Variants in MOB3B observed in about 807,000 individuals in gnomAD.
The protein encoded by MOB3B is MOB kinase activator-like 2B.
MOB3B carries 7 observed loss-of-function variants against 18.7 expected under a neutral mutation model. That is an observed-to-expected ratio of 0.37 (90% CI 0.21 to 0.70). The LOEUF (loss-of-function observed/expected upper bound fraction) is 0.70. Ranked by LOEUF, MOB3B falls within the 30% of genes least tolerant of loss-of-function variation. The pLI, the probability that MOB3B is intolerant of heterozygous loss-of-function variation, is 0.52. For missense variants in MOB3B, 253 were observed against 281.3 expected (o/e 0.90, Z 0.72); for synonymous variants, 111 against 99.9 (o/e 1.11, Z -0.66).
chr9:27,526,782 A>G (rs1001666969), intron 1 of MOB3B, among the ~76,000 whole-genome samples: 1 of 152,236 alleles, frequency 6.6e-6, no homozygotes, highest in Non-Finnish European at 1.5e-5. Context: ...AAAAATGTTT[A>G]ATCTAACTTG....
At chr9:27,472,501 T>C (rs1819487917) in intron 1 of MOB3B, among the ~76,000 whole-genome samples, 1 of 152,054 alleles carries the variant, frequency 6.6e-6, no homozygotes, top group Non-Finnish European at 1.5e-5. Flanking sequence ...CATTCATCAA[T>C]ACGTCTTGTT....
intron 1 of MOB3B, among the ~76,000 whole-genome samples, chr9:27,513,582 T>A (rs1383267699): frequency 1.3e-5 from 2 of 152,132 alleles, no homozygotes; most frequent in Non-Finnish European, 2.9e-5. Context: ...CTCCTTTGTA[T>A]CCCTTAAATA....
At chr9:27,357,097 G>C (rs1196896759) in intron 3 of MOB3B, among the ~76,000 whole-genome samples, 2 of 96,062 alleles carry the variant, frequency 2.1e-5, no homozygotes, top group Non-Finnish European at 4.6e-5. Context: ...GTCTTGCTTT[G>C]TTCCAGGACT....
chr9:27,427,894 A>T (rs1336563102), intron 2 of MOB3B, among the ~76,000 whole-genome samples: 2 of 152,046 alleles, frequency 1.3e-5, no homozygotes, highest in Non-Finnish European at 2.9e-5. Flanking sequence ...CCTCCAACCA[A>T]GCCCACCTGG....
intron 2 of MOB3B, among the ~76,000 whole-genome samples, chr9:27,386,324 A>G (rs1481931507): frequency 6.6e-6 from 1 of 152,218 alleles, no homozygotes; most frequent in Non-Finnish European, 1.5e-5. Flanking sequence ...TTTCAGTATT[A>G]TCATTATTAT....
chr9:27,368,353 T>TACACAC (rs138287792), intron 2 of MOB3B, among the ~76,000 whole-genome samples: 6,232 of 145,918 alleles, frequency 0.043, 203 homozygotes, highest in African/African-American at 0.089. Context: ...CACACATACA[T>TACACAC]ACACACACAC....
chr9:27,505,519 C>A (rs1346159362), intron 1 of MOB3B, among the ~76,000 whole-genome samples: 4 of 152,228 alleles, frequency 2.6e-5, no homozygotes, highest in African/African-American at 9.6e-5. Context: ...ATCTCTTTGA[C>A]TTGCTTAACT....
chr9:27,419,652 A>C (rs770404350), intron 2 of MOB3B, among the ~76,000 whole-genome samples: 40 of 152,220 alleles, frequency 2.6e-4, no homozygotes, highest in Non-Finnish European at 4.8e-4. Flanking sequence ...ACAAAAATCA[A>C]CTTAAGACGG....
intron 2 of MOB3B, among the ~76,000 whole-genome samples, chr9:27,451,815 C>G (rs1822789369): frequency 6.6e-6 from 1 of 151,984 alleles, no homozygotes; most frequent in African/African-American, 2.4e-5. Context: ...CATGATAGCA[C>G]AAAGATCAAA....
chr9:27,396,834 T>C (rs1821806801), intron 2 of MOB3B: 1 of 152,220 alleles, frequency 6.6e-6, no homozygotes, highest in African/African-American at 2.4e-5. Context: ...AAGACTTAGC[T>C]ATTACAATCT....
At chr9:27,378,197 G>C (rs976655584) in intron 2 of MOB3B, 117 of 359,220 alleles carry the variant, frequency 3.3e-4, no homozygotes, top group Non-Finnish European at 2.2e-4. Context: ...CAAAACCTTT[G>C]CATTTCTCTT....
chr9:27,335,535 T>C (rs1402023272), intron 3 of MOB3B, among the ~76,000 whole-genome samples: 1 of 152,160 alleles, frequency 6.6e-6, no homozygotes, highest in African/African-American at 2.4e-5. Flanking sequence ...TGGCTTTCAG[T>C]AGTTTTCAAA....
At chr9:27,413,409 A>G (rs1271851248) in intron 2 of MOB3B, among the ~76,000 whole-genome samples, 1 of 152,176 alleles carries the variant, frequency 6.6e-6, no homozygotes, top group African/African-American at 2.4e-5. Context: ...GAATTTTATC[A>G]AAGAACAAAG....
Position 27,441,929 on chromosome 9 carries a change from C to T in MOB3B, c.418+13204G>A, listed in dbSNP as rs1265823623. On this transcript the variant is annotated intron_variant, in intron 2 of 3. Transcript: ENST00000262244. ...AACCACATACTCATGTCAGCCCTGA[C>T]ATGAATCAAAACAATAAACCACAAT... Among the ~76,000 whole-genome samples, 4 of 152,058 alleles carry T rather than the reference C, an allele frequency of 2.6e-5. 1 individual carries two copies. Among genetic ancestry groups the T allele is most frequent in the African/African-American group, 9.7e-5 (4 of 41,406 alleles).
chr9:27,414,937 C>T (rs962459681), intron 2 of MOB3B, among the ~76,000 whole-genome samples: 2 of 152,124 alleles, frequency 1.3e-5, no homozygotes, highest in African/African-American at 4.8e-5. Context: ...TCTTGGCTCA[C>T]CACAACCTCC....
At chr9:27,342,926 CA>C (rs1820972426) in intron 3 of MOB3B, among the ~76,000 whole-genome samples, 2 of 149,518 alleles carry the variant, frequency 1.3e-5, no homozygotes, top group African/African-American at 5.0e-5. Context: ...CCTGGCCACC[CA>C]TCGTCTGGGA....
intron 1 of MOB3B, among the ~76,000 whole-genome samples, chr9:27,507,715 C>G (rs750963373): frequency 5.3e-5 from 8 of 152,198 alleles, no homozygotes; most frequent in Non-Finnish European, 1.0e-4. Flanking sequence ...TCGAAAGAAT[C>G]TCTAGGAGTC....
intron 1 of MOB3B, among the ~76,000 whole-genome samples, chr9:27,503,988 C>T (rs946749415): frequency 2.6e-5 from 4 of 152,224 alleles, no homozygotes. Flanking sequence ...CTTTCATTCC[C>T]CTGCCAGTCC....
intron 2 of MOB3B, among the ~76,000 whole-genome samples, chr9:27,425,373 C>CAAA (rs57574286): frequency 3.8e-5 from 2 of 52,978 alleles, no homozygotes; most frequent in East Asian, 5.3e-4. Context: ...AAAACTGTCT[C>CAAA]AAAAAAAAAA....
Sources: gnomAD v4.1 joint callset for allele counts (sites outside exome capture counted in the v4.1 genomes callset) on GRCh38, gnomAD v4.1.1 for gene constraint, MANE v1.5 for transcripts, NCBI Gene and HGNC (gene_info 2026-07-23, HGNC 2026-07-21) for gene names.